UFL1: variants seen among roughly 807,000 people sequenced by gnomAD.
UFL1 encodes the protein E3 UFM1-protein ligase 1.
Under a neutral mutation model 99.3 loss-of-function variants are expected in UFL1, and 78 were observed. The ratio of observed to expected loss-of-function variants is 0.79; its 90% confidence interval spans 0.65 to 0.95. UFL1 has a LOEUF of 0.95. UFL1 is among the 40% of genes least tolerant of loss of function. The pLI is 0.00. For missense variants in UFL1, 936 were observed against 937.0 expected, an observed-to-expected ratio of 1.00 and a Z score of 0.01; for synonymous variants, 335 against 322.2, an observed-to-expected ratio of 1.04 and a Z score of -0.42.
At chr6:96,546,516 T>A (rs1770000067) in intron 12 of UFL1, among the ~76,000 whole-genome samples, 1 of 151,318 alleles carries the variant, frequency 6.6e-6, no homozygotes, top group Non-Finnish European at 1.5e-5. Context: ...AAAAATACAC[T>A]CCTAAAGTTG....
rs1770128193 is a variant in UFL1 at position 96,554,532 on chromosome 6, T to C, written c.*1029T>C. 1 of 151,996 alleles carries C rather than the reference T, an allele frequency of 6.6e-6. No homozygotes were observed. Among genetic ancestry groups the C allele is most frequent in the Non-Finnish European group, 1.5e-5 (1 of 67,948 alleles). 9.4% of individuals were successfully genotyped at this position (151,996 alleles called of 1,614,324 possible). A position where few individuals can be genotyped will look rare whatever the true frequency, so the allele number is the denominator to read the frequency against. ...AGAGTAATCATTTCAACCAAATGAATTTCAAGCAACAACTTACTTACTATT... is the reference window on the plus strand; with the variant it reads ...AGAGTAATCATTTCAACCAAATGAACTTCAAGCAACAACTTACTTACTATT... On this transcript the variant is annotated 3_prime_UTR_variant, in exon 19 of 19. Transcript: ENST00000369278.
chr6:96,552,814 AT>A, intron 18 of UFL1, 152 bp downstream of exon 18: 1 of 710,246 alleles, frequency 1.4e-6, no homozygotes, highest in Non-Finnish European at 2.2e-6. Flanking sequence ...TAGGAGATTA[AT>A]TTTTTAAAAT....
intron 12 of UFL1, among the ~76,000 whole-genome samples, chr6:96,543,613 A>C (rs1769960514): frequency 6.6e-6 from 1 of 151,144 alleles, no homozygotes; most frequent in Non-Finnish European, 1.5e-5. Context: ...AAATGAGGAA[A>C]GTGGTTATGA....
chr6:96,542,580 G>A (rs1160586102), intron 11 of UFL1, among the ~76,000 whole-genome samples: 1 of 151,124 alleles, frequency 6.6e-6, no homozygotes, highest in African/African-American at 2.4e-5. Context: ...GTGAAGGAAT[G>A]GATTTTTGTT....
At chr6:96,522,839 AAATGTCTTC>A (rs1355665509) in intron 1 of UFL1, 3 of 203,810 alleles carry the variant, frequency 1.5e-5, no homozygotes, top group Non-Finnish European at 2.9e-5. Context: ...CTACCTAAAT[AAATGTCTTC>A]AATTTTCCCT....
At position 96,549,408 on chromosome 6, in the gene UFL1, A is replaced by T. The variant is rs747466831; in HGVS notation, c.1521-4A>T. On this transcript the variant is annotated splice_polypyrimidine_tract_variant and splice_region_variant and intron_variant, in intron 13 of 18. Transcript: ENST00000369278. ...TAAACTAAATATATTTGTCTTATGC[A>T]CAGACCTCTTAATAAAACTTATCTC... 1.9e-6 allele frequency: 3 copies of T among 1,591,478 alleles called. No homozygotes were observed. Among genetic ancestry groups the T allele is most frequent in the Non-Finnish European group, 8.5e-7 (1 of 1,173,222 alleles).
chr6:96,552,025 AC>A (rs762567902), intron 17 of UFL1, 102 bp downstream of exon 17: 36 of 755,792 alleles, frequency 4.8e-5, no homozygotes, highest in Admixed American at 1.2e-4. Flanking sequence ...GAGAATATGT[AC>A]CTAATGTGTC....
At chr6:96,528,388 C>A (rs1467984399) in intron 5 of UFL1, 114 bp from the exon 6 acceptor site, 1 of 1,274,840 alleles carries the variant, frequency 7.8e-7, no homozygotes, top group Non-Finnish European at 1.1e-6. Flanking sequence ...GTTGAAACTT[C>A]TCAATCACAT....
chr6:96,540,010 C>A (rs1265983054), intron 10 of UFL1, among the ~76,000 whole-genome samples: 1 of 151,528 alleles, frequency 6.6e-6, no homozygotes, highest in East Asian at 1.9e-4. Flanking sequence ...GGAAATACTT[C>A]ATCGTTGTTA....
At position 96,528,550 on chromosome 6, in the gene UFL1, G is replaced by A. The variant is rs1769734624; in HGVS notation, c.514G>A (p.Asp172Asn). Residue 172 changes from aspartate (D) to asparagine (N), a missense_variant, in exon 6 of 19, where the codon GAT (aspartate) becomes AAT (asparagine). Coordinates refer to ENST00000369278, the MANE Select transcript of UFL1 (RefSeq NM_015323.5). ...AATTATCAGTGGACATATTGATCTT[G>A]ATAATAGAGGAGTAATTTTTACGGA... ...GRIISGHIDL[D>N]NRGVIFTEAF... 1 of 1,613,766 alleles carries A rather than the reference G, an allele frequency of 6.2e-7. No individual in the cohort carries two copies. The highest frequency in any genetic ancestry group is 8.5e-7 in the Non-Finnish European group (1 of 1,179,870).
rs752026428 is a variant in UFL1 at position 96,553,453 on chromosome 6, A to G, written c.2335A>G (p.Ile779Val). Residue 779 changes from isoleucine to valine, a missense_variant, in exon 19 of 19, where the codon ATT becomes GTT. By Grantham distance (29) the Ile-to-Val change is conservative. Coordinates refer to ENST00000369278, the MANE Select transcript of UFL1 (RefSeq NM_015323.5). ...RKELQELSSS[I>V]KDLVLKSRKS... Reference sequence around the variant, plus strand: ...AGAGCTTCAAGAACTTTCTTCATCCATTAAAGACCTTGTTCTCAAATCTAG... The same window carrying G: ...AGAGCTTCAAGAACTTTCTTCATCCGTTAAAGACCTTGTTCTCAAATCTAG... The G allele has an allele frequency of 8.7e-6, 14 of 1,613,618 alleles. No individual in the cohort carries two copies. Among genetic ancestry groups the G allele is most frequent in the Admixed American group, 6.7e-5 (4 of 59,952 alleles).
rs1454678662 is a variant in UFL1, at chr6:96,551,967, G to C, written c.1985+44G>C. 3 of 1,411,488 alleles carry C rather than the reference G, an allele frequency of 2.1e-6. No individual in the cohort carries two copies. The East Asian group carries it at 6.9e-5, about 32-fold the overall frequency. 87.4% of individuals were successfully genotyped at this position (1,411,488 alleles called of 1,614,324 possible). On this transcript the variant is annotated intron_variant, in intron 17 of 18. Coordinates refer to ENST00000369278, the MANE Select transcript of UFL1 (RefSeq NM_015323.5). ...ATATTTGGAAATGTTCTTAAATGTGGAGCCTTTCATATCTGAAATTTGAAT... is the reference window on the plus strand; with the variant it reads ...ATATTTGGAAATGTTCTTAAATGTGCAGCCTTTCATATCTGAAATTTGAAT...
intron 16 of UFL1, 134 bp downstream of exon 16, chr6:96,551,647 A>G (rs1370245133): frequency 2.7e-6 from 2 of 742,190 alleles, no homozygotes; most frequent in African/African-American, 3.7e-5. Flanking sequence ...CCTCTTTGAA[A>G]TGAGAAGAGA....
chr6:96,540,199 C>T (rs1308913752), intron 10 of UFL1, among the ~76,000 whole-genome samples: 1 of 151,270 alleles, frequency 6.6e-6, no homozygotes, highest in Non-Finnish European at 1.5e-5. Context: ...TCTCAAAAAG[C>T]GAAGGAGCAT....
In UFL1 at chr6:96,523,127, C is replaced by T; in HGVS notation, c.78-19C>T. 2 of 1,580,988 alleles carry T rather than the reference C, an allele frequency of 1.3e-6. No individual in the cohort carries two copies. The highest frequency in any genetic ancestry group is 1.9e-5 in the Admixed American group (1 of 54,032). On this transcript the variant is annotated intron_variant, in intron 1 of 18. Transcript: ENST00000369278. ...TGTCTCAAGTGGACTTTTGAAACAA[C>T]TTTTTTTCTTTCCCTCAGGTTGTCC... is the stretch of plus-strand genomic sequence containing the variant.
At chr6:96,524,877 C>T (rs896258238) in intron 3 of UFL1, among the ~76,000 whole-genome samples, 8 of 152,034 alleles carry the variant, frequency 5.3e-5, no homozygotes, top group Non-Finnish European at 1.0e-4. Context: ...AAGAAGCCAG[C>T]GAATTTTCTG....
chr6:96,549,874 G>C, intron 15 of UFL1, 75 bp downstream of exon 15: 1 of 1,520,292 alleles, frequency 6.6e-7, no homozygotes, highest in Non-Finnish European at 8.8e-7. Context: ...TATCTTATTT[G>C]GAGTAAAGAG....
chr6:96,526,321 G>T lies in UFL1; in HGVS notation c.351G>T (p.Glu117Asp). The change falls in exon 5 of 19, where the codon GAG (glutamate) becomes GAT (aspartate). Residue 117 changes from glutamate to aspartate, a missense_variant and splice_region_variant. Coordinates refer to ENST00000369278, the MANE Select transcript of UFL1 (RefSeq NM_015323.5). ...VQLVLGQLID[E>D]NYLDRLAEEV... ...ATTATTTTCTTGTTTTCACTATTAG[G>T]AATTATTTGGATCGGTTGGCAGAAG... 2 of 1,609,358 alleles carry T rather than the reference G, an allele frequency of 1.2e-6. No individual in the cohort carries two copies. Among genetic ancestry groups the T allele is most frequent in the South Asian group, 1.1e-5 (1 of 90,482 alleles).
chr6:96,523,373 T>C, intron 2 of UFL1, 82 bp downstream of exon 2: 2 of 1,326,468 alleles, frequency 1.5e-6, no homozygotes, highest in Non-Finnish European at 1.0e-6. Context: ...AAACATGTAA[T>C]TGCATACTAA....
Sources: gnomAD v4.1 joint callset for allele counts (sites outside exome capture counted in the v4.1 genomes callset) on GRCh38, gnomAD v4.1.1 for gene constraint, MANE v1.5 for transcripts, NCBI Gene and HGNC (gene_info 2026-07-23, HGNC 2026-07-21) for gene names.